The following NRXN3 variants were observed in gnomAD, a reference collection of about 807,000 sequenced individuals.
The protein encoded by NRXN3 is neurexin 3, also known as neurexin III.
In NRXN3, 32 loss-of-function variants were observed where a neutral mutation model predicts 137.6. That is an observed-to-expected ratio of 0.23 (90% CI 0.18 to 0.31). The LOEUF (loss-of-function observed/expected upper bound fraction) is 0.31, where lower values mean the gene tolerates loss of function less well. Ranked by LOEUF, NRXN3 falls within the 10% of genes least tolerant of loss-of-function variation. The pLI is 1.00. For synonymous variants in NRXN3, 798 were observed against 784.5 expected, an observed-to-expected ratio of 1.02 and a Z score of -0.29; for missense variants, 1,574 against 2,062.5, an observed-to-expected ratio of 0.76 and a Z score of 4.59.
chr14:79,783,093 G>A (rs947144612), intron 19 of NRXN3, among the ~76,000 whole-genome samples: 1 of 152,196 alleles, frequency 6.6e-6, no homozygotes, highest in Non-Finnish European at 1.5e-5. Context: ...AAAAATGACT[G>A]CTGTGATAGC....
At position 78,645,432 on chromosome 14, in the gene NRXN3, A is replaced by G; in HGVS notation, c.1059+11A>G. ...CGCAACCTCCGGCAGGTAATGGCTG[A>G]GGGGAGAGAATTCCTGGAAGGCTCA... On this transcript the variant is annotated intron_variant, in intron 5 of 20. Coordinates refer to ENST00000335750, the MANE Select transcript of NRXN3 (RefSeq NM_001330195.2). The G allele has an allele frequency of 6.4e-7, 1 of 1,560,010 alleles. No homozygotes were observed. The highest frequency in any genetic ancestry group is 8.6e-7 in the Non-Finnish European group (1 of 1,158,046).
intron 16 of NRXN3, among the ~76,000 whole-genome samples, chr14:79,544,237 G>A (rs1203328202): frequency 2.0e-5 from 3 of 152,198 alleles, no homozygotes; most frequent in African/African-American, 4.8e-5. Context: ...TTGAACAAGC[G>A]CTACAGGATA....
At chr14:79,830,417 CAT>C (rs1454675855) in intron 20 of NRXN3, among the ~76,000 whole-genome samples, 1 of 152,002 alleles carries the variant, frequency 6.6e-6, no homozygotes, top group Non-Finnish European at 1.5e-5. Flanking sequence ...TTTCTGAGAG[CAT>C]AGTCAGTAAC....
In NRXN3 at chr14:78,645,770, G is replaced by C. The variant is rs2097681110; in HGVS notation, c.1059+349G>C. Among the ~76,000 whole-genome samples, 5 of 151,954 alleles carry C rather than the reference G, an allele frequency of 3.3e-5. No homozygotes were observed. In the South Asian group the frequency reaches 1.0e-3, roughly 32 times the overall value. ...ATCGTATTATTGTTAAATTCAATTA[G>C]GGACTGCATTTTGTTTCTGCAGCTT... On this transcript the variant is annotated intron_variant, in intron 5 of 20. Transcript: ENST00000335750.
At chr14:79,413,079 G>A (rs2095442651) in intron 15 of NRXN3, among the ~76,000 whole-genome samples, 1 of 152,056 alleles carries the variant, frequency 6.6e-6, no homozygotes, top group Admixed American at 6.6e-5. Flanking sequence ...CTACTTCCTT[G>A]AATTTGGCAA....
In NRXN3 at chr14:79,818,872, C is replaced by G. The variant is rs181646545; in HGVS notation, c.4093+13682C>G. ...AATCCTTATTCCAAGGCAAGTATGG[C>G]CTGCACAAACATCTGAGGATTCCAT... On this transcript the variant is annotated intron_variant, in intron 20 of 20. Transcript: ENST00000335750. 2.1e-3 allele frequency among the ~76,000 whole-genome samples: 324 copies of G among 152,280 alleles called. 1 individual carries two copies. Among genetic ancestry groups the G allele is most frequent in the Non-Finnish European group, 3.5e-3 (241 of 68,018 alleles).
chr14:79,845,960 T>C (rs1202472498), intron 20 of NRXN3, among the ~76,000 whole-genome samples: 1 of 149,386 alleles, frequency 6.7e-6, no homozygotes, highest in East Asian at 2.0e-4. Context: ...GGGAGAGAGA[T>C]GGAGGAAGGG....
intron 1 of NRXN3, among the ~76,000 whole-genome samples, chr14:78,172,667 T>A (rs1236867141): frequency 6.6e-6 from 1 of 152,178 alleles, no homozygotes; most frequent in East Asian, 1.9e-4. Context: ...GGGAAAAGGC[T>A]GGACACTGGA....
chr14:79,017,271 C>G (rs569977375), intron 15 of NRXN3, among the ~76,000 whole-genome samples: 1 of 151,836 alleles, frequency 6.6e-6, no homozygotes, highest in East Asian at 1.9e-4. Context: ...AAGAACTTTT[C>G]TAGCCCTGCC....
intron 4 of NRXN3, among the ~76,000 whole-genome samples, chr14:78,320,402 G>C (rs768101661): frequency 1.3e-5 from 2 of 152,132 alleles, no homozygotes; most frequent in African/African-American, 4.8e-5. Context: ...AATCTCCTTT[G>C]AACAGGAGCC....
intron 13 of NRXN3, 68 bp downstream of exon 13, chr14:78,967,466 G>A (rs1454898486): frequency 1.8e-6 from 2 of 1,141,226 alleles, no homozygotes; most frequent in Non-Finnish European, 2.6e-6. Context: ...ATTTCCAGAG[G>A]CAAACCACAG....
At chr14:78,339,435 G>A (rs544330834) in intron 4 of NRXN3, among the ~76,000 whole-genome samples, 21 of 152,262 alleles carry the variant, frequency 1.4e-4, no homozygotes, top group African/African-American at 4.6e-4. Context: ...GAGAGGAGGT[G>A]CACATATAGC....
At chr14:79,173,408 T>C (rs1012886975) in intron 15 of NRXN3, among the ~76,000 whole-genome samples, 2 of 151,482 alleles carry the variant, frequency 1.3e-5, no homozygotes, top group African/African-American at 4.9e-5. Context: ...AGTGTGTGCC[T>C]GTAGTCTCAG....
chr14:79,689,026 C>T (rs1425174615), intron 17 of NRXN3, among the ~76,000 whole-genome samples: 2 of 151,978 alleles, frequency 1.3e-5, no homozygotes, highest in East Asian at 3.9e-4. Flanking sequence ...TTATAGATTT[C>T]TCAGTGTGAT....
intron 1 of NRXN3, among the ~76,000 whole-genome samples, chr14:78,183,845 A>G (rs1226456123): frequency 6.6e-6 from 1 of 152,214 alleles, no homozygotes; most frequent in African/African-American, 2.4e-5. Flanking sequence ...TTGACTCTAC[A>G]GATTTCTGAA....
At chr14:79,558,008 A>G (rs185350200) in intron 16 of NRXN3, among the ~76,000 whole-genome samples, 1 of 152,278 alleles carries the variant, frequency 6.6e-6, no homozygotes, top group Admixed American at 6.5e-5. Flanking sequence ...CCAAAAGTAG[A>G]TTCCATTTTA....
chr14:79,472,783 T>C (rs2096526202), intron 16 of NRXN3, among the ~76,000 whole-genome samples: 1 of 152,100 alleles, frequency 6.6e-6, no homozygotes, highest in South Asian at 2.1e-4. Context: ...CCTTCATTTA[T>C]ACAACAGGGA....
At chr14:78,504,562 C>G (rs1306101161) in intron 4 of NRXN3, among the ~76,000 whole-genome samples, 1 of 152,236 alleles carries the variant, frequency 6.6e-6, no homozygotes, top group East Asian at 1.9e-4. Flanking sequence ...GCCTCAGGAA[C>G]TATGTATTTT....
chr14:79,606,422 T>C (rs2098017941), intron 16 of NRXN3, among the ~76,000 whole-genome samples: 2 of 152,230 alleles, frequency 1.3e-5, no homozygotes, highest in Non-Finnish European at 2.9e-5. Context: ...CAAATGTTTC[T>C]GATTATTTAA....
Sources: allele counts gnomAD v4.1 joint callset (sites outside exome capture counted in the v4.1 genomes callset), GRCh38; gene constraint gnomAD v4.1.1; transcripts MANE v1.5; gene names NCBI Gene and HGNC (gene_info 2026-07-23, HGNC 2026-07-21).